Variants in IFT88 observed in about 807,000 individuals in gnomAD.
The protein encoded by IFT88 is intraflagellar transport 88.
Under a neutral mutation model 119.5 loss-of-function variants are expected in IFT88, and 74 were observed. The observed-to-expected ratio is 0.62, with a 90% CI of 0.51 to 0.75. The LOEUF (loss-of-function observed/expected upper bound fraction) is 0.75. Among genes scored for constraint, IFT88 ranks in the 30% least tolerant of loss-of-function variants. IFT88 has a pLI of 0.00. For missense variants in IFT88, 961 were observed against 977.7 expected (o/e 0.98, Z 0.23); for synonymous variants, 279 against 316.7 (o/e 0.88, Z 1.26).
chr13:20,592,803 A>G (rs2040929115), intron 7 of IFT88, among the ~76,000 whole-genome samples: 1 of 152,136 alleles, frequency 6.6e-6, no homozygotes, highest in South Asian at 2.1e-4. Context: ...TTCCATAAGA[A>G]TTACATAATT....
intron 13 of IFT88, among the ~76,000 whole-genome samples, chr13:20,615,330 T>G (rs2045422384): frequency 6.6e-6 from 1 of 152,224 alleles, no homozygotes; most frequent in Non-Finnish European, 1.5e-5. Context: ...ATTTTATATA[T>G]GTACGTACGT....
intron 2 of IFT88, among the ~76,000 whole-genome samples, chr13:20,578,359 T>C (rs1016559181): frequency 2.0e-5 from 2 of 99,688 alleles, no homozygotes; most frequent in Non-Finnish European, 4.2e-5. Context: ...GTCTTGTTAC[T>C]TTTTTTTTTT....
intron 14 of IFT88, among the ~76,000 whole-genome samples, chr13:20,619,011 C>T (rs111476477): frequency 7.6e-4 from 116 of 152,054 alleles, no homozygotes; most frequent in African/African-American, 2.7e-3. Context: ...CGCACATTGC[C>T]ACGCCCGGCC....
intron 1 of IFT88, among the ~76,000 whole-genome samples, chr13:20,573,928 C>T (rs1481381046): frequency 1.3e-5 from 2 of 152,020 alleles, no homozygotes; most frequent in Non-Finnish European, 2.9e-5. Context: ...AATGTTTTGA[C>T]ATCTAGTTTT....
In IFT88 at chr13:20,601,815, G is replaced by C. The variant is rs1294162176; in HGVS notation, c.923G>C (p.Gly308Ala). The C allele has an allele frequency of 1.2e-6, 2 of 1,613,354 alleles. No homozygotes were observed. The highest frequency in any genetic ancestry group is 1.7e-6 in the Non-Finnish European group (2 of 1,179,374). ...AGCATGGCACCAAATCTGAAGGCAGGCTACAACCTAACTATCTGTTATTTT... is the reference window on the plus strand; with the variant it reads ...AGCATGGCACCAAATCTGAAGGCAGCCTACAACCTAACTATCTGTTATTTT... ...IMSMAPNLKA[G>A]YNLTICYFAI... The change falls in exon 12 of 26, where the codon GGC becomes GCC. Residue 308 changes from glycine (G) to alanine (A), a missense_variant. Transcript: ENST00000351808.
At position 20,598,535 on chromosome 13, in the gene IFT88, A is replaced by C. The variant is rs2042113478; in HGVS notation, c.595-116A>C. On this transcript the variant is annotated intron_variant, in intron 9 of 25. Coordinates refer to ENST00000351808, the MANE Select transcript of IFT88 (RefSeq NM_006531.5). ...GTTTACTTAATTTCATAATTGGCTG[A>C]GTATCTTGATATAAGTAGCTAACTT... 4 of 537,440 alleles carry C rather than the reference A, an allele frequency of 7.4e-6. No individual in the cohort carries two copies. In the East Asian group the frequency reaches 1.1e-4, roughly 15 times the overall value. The allele number at this position is 537,440 out of a possible 1,614,324, so 33.3% of individuals were successfully genotyped here. A position where few individuals can be genotyped will look rare whatever the true frequency, so the allele number is the denominator to read the frequency against.
At chr13:20,641,757 A>G (rs1441496063) in intron 18 of IFT88, 1 of 168,220 alleles carries the variant, frequency 5.9e-6, no homozygotes, top group African/African-American at 2.4e-5. Flanking sequence ...GCACTAACTT[A>G]CTAAATAAAA....
intron 7 of IFT88, among the ~76,000 whole-genome samples, chr13:20,594,704 T>C (rs2041333710): frequency 6.6e-6 from 1 of 152,200 alleles, no homozygotes; most frequent in African/African-American, 2.4e-5. Context: ...AACTAGAAAA[T>C]AGAATTCTAT....
chr13:20,568,780 C>T lies in IFT88; in HGVS notation c.-7+1524C>T, dbSNP rs116137853. ...TGTTGCCCAGGCTGGAGTGCAGTGG[C>T]GGCAATCTCGGTTTACTGCAAGCTC... On this transcript the variant is annotated intron_variant, in intron 1 of 25. Coordinates refer to ENST00000351808, the MANE Select transcript of IFT88 (RefSeq NM_006531.5). 1.0e-2 allele frequency among the ~76,000 whole-genome samples: 1,516 copies of T among 152,072 alleles called. 24 individuals carry two copies. Among genetic ancestry groups the T allele is most frequent in the African/African-American group, 0.035 (1,460 of 41,462 alleles).
intron 13 of IFT88, among the ~76,000 whole-genome samples, chr13:20,612,592 T>G (rs2044757072): frequency 6.6e-6 from 1 of 152,210 alleles, no homozygotes; most frequent in African/African-American, 2.4e-5. Flanking sequence ...AGTGCCACCC[T>G]TGTCAAAATT....
At chr13:20,634,156 A>T (rs2048646302) in intron 16 of IFT88, among the ~76,000 whole-genome samples, 1 of 152,194 alleles carries the variant, frequency 6.6e-6, no homozygotes, top group Non-Finnish European at 1.5e-5. Flanking sequence ...ACCCCAGTAC[A>T]CAGGTGAGTA....
intron 24 of IFT88, among the ~76,000 whole-genome samples, chr13:20,678,824 G>T (rs1437920173): frequency 1.3e-5 from 2 of 152,238 alleles, no homozygotes; most frequent in East Asian, 1.9e-4. Context: ...GTCACGGTGG[G>T]CTACTTCTCG....
At chr13:20,614,665 A>C (rs2045275020) in intron 13 of IFT88, among the ~76,000 whole-genome samples, 1 of 152,130 alleles carries the variant, frequency 6.6e-6, no homozygotes. Context: ...GTGATACTTG[A>C]AAGATGTTAC....
rs149883837 is a variant in IFT88, at chr13:20,617,238, G to A, written c.1199+1359G>A. 9.4e-3 allele frequency among the ~76,000 whole-genome samples: 1,427 copies of A among 152,286 alleles called. 2 individuals carry two copies. Among genetic ancestry groups the A allele is most frequent in the South Asian group, 0.029 (138 of 4,826 alleles). On this transcript the variant is annotated intron_variant, in intron 14 of 25. Coordinates refer to ENST00000351808, the MANE Select transcript of IFT88 (RefSeq NM_006531.5). ...TTATTCCATTGCACAATTTGCTAGT[G>A]TGTTTCCTGGGTAGTGTGGTGCTGA...
chr13:20,687,016 T>A (rs1262500621), intron 24 of IFT88, among the ~76,000 whole-genome samples: 1 of 121,778 alleles, frequency 8.2e-6, no homozygotes, highest in African/African-American at 3.4e-5. Context: ...AAAGTCACTT[T>A]CTTACCAAAA....
At chr13:20,586,420 TTGCTGTG>T (rs2039669833) in intron 3 of IFT88, among the ~76,000 whole-genome samples, 1 of 152,166 alleles carries the variant, frequency 6.6e-6, no homozygotes, top group African/African-American at 2.4e-5. Context: ...AGAGTATAAA[TTGCTGTG>T]GAATTTAAAA....
chr13:20,619,713 G>A (rs1052506658), intron 14 of IFT88, among the ~76,000 whole-genome samples: 1 of 151,870 alleles, frequency 6.6e-6, no homozygotes, highest in Non-Finnish European at 1.5e-5. Flanking sequence ...GGTGGGTGGT[G>A]CCGATATTTC....
chr13:20,622,037 G>C (rs535229071), intron 14 of IFT88, among the ~76,000 whole-genome samples: 4 of 152,274 alleles, frequency 2.6e-5, no homozygotes, highest in Admixed American at 6.5e-5. Context: ...GGTATCTCTT[G>C]AGTATCCCTT....
Position 20,643,508 on chromosome 13 carries a change from T to TC in IFT88, c.1737dup (p.Ser580GlnfsTer12). 6.2e-7 allele frequency: 1 copy of TC among 1,611,858 alleles called. No homozygotes were observed. Among genetic ancestry groups the TC allele is most frequent in the Non-Finnish European group, 8.5e-7 (1 of 1,178,694 alleles). On this transcript the variant is annotated frameshift_variant, in exon 19 of 26. Coordinates refer to ENST00000351808, the MANE Select transcript of IFT88 (RefSeq NM_006531.5). LOFTEE classifies it high-confidence loss of function. The stretch of plus-strand genomic sequence containing the variant: ...GCTATTGAATGGCTAATGCAGGTGG[T>TC]CAGTGTTATTCCAACCGATCCTCAA...
Sources: allele counts gnomAD v4.1 joint callset (sites outside exome capture counted in the v4.1 genomes callset), GRCh38; gene constraint gnomAD v4.1.1; transcripts MANE v1.5; gene names NCBI Gene and HGNC (gene_info 2026-07-23, HGNC 2026-07-21).